SORBS2: variants seen among roughly 807,000 people sequenced by gnomAD.
SORBS2 encodes the protein sorbin and SH3 domain-containing protein 2.
SORBS2 carries 46 observed loss-of-function variants against 97.7 expected under a neutral mutation model. The ratio of observed to expected loss-of-function variants is 0.47; its 90% CI spans 0.37 to 0.60. The LOEUF (loss-of-function observed/expected upper bound fraction) is 0.60. SORBS2 is among the 20% of genes least tolerant of loss of function. The probability of loss-of-function intolerance (pLI) is 0.00; values close to 1 mark genes in which losing one functional copy is unlikely to be tolerated. For synonymous variants in SORBS2, 476 were observed against 473.4 expected, an observed-to-expected ratio of 1.01 and a Z score of -0.07; for missense variants, 1,316 against 1,282.3, an observed-to-expected ratio of 1.03 and a Z score of -0.40.
chr4:185,740,829 T>TAACTCAGCCCAGCACC (rs1359803346), intron 2 of SORBS2, among the ~76,000 whole-genome samples: 3 of 145,028 alleles, frequency 2.1e-5, no homozygotes, highest in Non-Finnish European at 4.6e-5. Flanking sequence ...AACCCAGCAC[T>TAACTCAGCCCAGCACC]AACTCAGCCC....
chr4:185,837,272 C>T (rs943408346), intron 1 of SORBS2, among the ~76,000 whole-genome samples: 4 of 152,024 alleles, frequency 2.6e-5, no homozygotes, highest in East Asian at 1.9e-4. Context: ...AGATGAAAGG[C>T]CAGAACTGCC....
Position 185,762,753 on chromosome 4 carries a change from G to T in SORBS2, c.-198+12474C>A, listed in dbSNP as rs544724461. On this transcript the variant is annotated intron_variant, in intron 2 of 20. Transcript: ENST00000284776. ...GAGAAAATTCAAAATTATTTTTTGT[G>T]TCATTTCTCTCAGTGTGTTTATTAT... Among the ~76,000 whole-genome samples the T allele has an allele frequency of 5.9e-5, 9 of 152,182 alleles. 1 individual carries two copies. The South Asian group carries it at 1.9e-3, about 32-fold the overall frequency.
chr4:185,630,921 C>G (rs1019716326), intron 4 of SORBS2, among the ~76,000 whole-genome samples: 5 of 152,140 alleles, frequency 3.3e-5, no homozygotes, highest in African/African-American at 1.2e-4. Flanking sequence ...TATCCTACAG[C>G]CTGAACTGCA....
At chr4:185,685,021 C>G (rs55654028) in intron 2 of SORBS2, among the ~76,000 whole-genome samples, 175 bp from the exon 5 acceptor site, 2 of 152,042 alleles carry the variant, frequency 1.3e-5, no homozygotes, top group African/African-American at 4.8e-5. Context: ...ACAAACAAAA[C>G]GAAACAAAAC....
chr4:185,606,075 G>A lies in SORBS2; in HGVS notation c.2796+5705C>T. 1.0e-6 allele frequency: 1 copy of A among 984,838 alleles called. No homozygotes were observed. Among genetic ancestry groups the A allele is most frequent in the Non-Finnish European group, 1.2e-6 (1 of 829,484 alleles). 61.0% of individuals were successfully genotyped at this position (984,838 alleles called of 1,614,324 possible). A position where few individuals can be genotyped will look rare whatever the true frequency, so the allele number is the denominator to read the frequency against. The stretch of plus-strand genomic sequence containing the variant: ...GCTGTTTTTCTTTTCTGTTGTCTTT[G>A]TTTATTATTAGCATTATTATTTTTG... On this transcript the variant is annotated intron_variant, in intron 12 of 14. Transcript: ENST00000418609. This position sits in a 1 kb window ranked among gnomAD's most constrained non-coding sequence, Gnocchi z 4.3.
At chr4:185,696,241 G>A (rs1417827350) in intron 2 of SORBS2, among the ~76,000 whole-genome samples, 4 of 152,158 alleles carry the variant, frequency 2.6e-5, no homozygotes, top group Non-Finnish European at 5.9e-5. Context: ...AGCACTATAT[G>A]TCTTCCAAGG....
chr4:185,826,366 C>A (rs572599937), intron 1 of SORBS2, among the ~76,000 whole-genome samples: 2 of 152,292 alleles, frequency 1.3e-5, no homozygotes, highest in African/African-American at 4.8e-5. Flanking sequence ...CTACCCTGGT[C>A]TACGATCACC....
chr4:185,664,075 C>T (rs918099175), intron 4 of SORBS2, among the ~76,000 whole-genome samples: 1 of 151,670 alleles, frequency 6.6e-6, no homozygotes, highest in African/African-American at 2.4e-5. Context: ...AGGATGGTCT[C>T]GATCTCCTGA....
intron 1 of SORBS2, among the ~76,000 whole-genome samples, chr4:185,930,587 T>C (rs1407124521): frequency 2.0e-5 from 3 of 152,160 alleles, no homozygotes. Flanking sequence ...TGTGAGCCAC[T>C]GCTCCCGGCC....
chr4:185,611,621 A>G (rs1390499819), intron 12 of SORBS2, among the ~76,000 whole-genome samples, 159 bp downstream of exon 24: 1 of 152,210 alleles, frequency 6.6e-6, no homozygotes. Context: ...ACACTGACTT[A>G]TATTTACTGA....
At chr4:185,743,240 G>C (rs2098738384) in intron 2 of SORBS2, among the ~76,000 whole-genome samples, 2 of 152,116 alleles carry the variant, frequency 1.3e-5, no homozygotes, top group Non-Finnish European at 2.9e-5. Context: ...TGCTGCTTAG[G>C]GGAAATTTGC....
chr4:185,948,708 G>T (rs1354467426), intron 1 of SORBS2, among the ~76,000 whole-genome samples: 1 of 151,624 alleles, frequency 6.6e-6, no homozygotes, highest in African/African-American at 2.4e-5. Context: ...AGTAGAGACA[G>T]GGTTTCATCA....
At chr4:185,719,671 T>C (rs1386089480) in intron 2 of SORBS2, among the ~76,000 whole-genome samples, 1 of 152,222 alleles carries the variant, frequency 6.6e-6, no homozygotes, top group African/African-American at 2.4e-5. Flanking sequence ...CTTGACAAGG[T>C]GAGAAATCTT....
intron 1 of SORBS2, among the ~76,000 whole-genome samples, chr4:185,879,917 G>T (rs527309083): frequency 6.6e-6 from 1 of 152,200 alleles, no homozygotes; most frequent in Non-Finnish European, 1.5e-5. Context: ...GACCTTCTAC[G>T]AGAGCCACGG....
At position 185,817,026 on chromosome 4, in the gene SORBS2, G is replaced by A. The variant is rs1215541891; in HGVS notation, c.-337-41660C>T. On this transcript the variant is annotated intron_variant, in intron 1 of 20. Coordinates refer to the SORBS2 transcript ENST00000284776. ...AGGAAGAAGTTTCAGCTAGTCCTAAGTCTGGAGAGCCCGGTCTTTACTGGC... is the reference window on the plus strand; with the variant it reads ...AGGAAGAAGTTTCAGCTAGTCCTAAATCTGGAGAGCCCGGTCTTTACTGGC... Among the ~76,000 whole-genome samples the A allele has an allele frequency of 2.0e-5, 3 of 152,124 alleles. No homozygotes were observed. The East Asian group carries it at 5.8e-4, about 29-fold the overall frequency.
intron 1 of SORBS2, among the ~76,000 whole-genome samples, chr4:185,806,259 G>A (rs1585129419): frequency 6.6e-6 from 1 of 152,172 alleles, no homozygotes; most frequent in East Asian, 1.9e-4. Flanking sequence ...AGGGACTTCT[G>A]TTTAGAGGAG....
chr4:185,668,878 T>C (rs941446176), intron 4 of SORBS2, among the ~76,000 whole-genome samples: 1 of 152,212 alleles, frequency 6.6e-6, no homozygotes, highest in African/African-American at 2.4e-5. Flanking sequence ...AATTGTTTTT[T>C]CTTTCCCCAA....
chr4:185,702,262 A>C (rs542533407), intron 2 of SORBS2, among the ~76,000 whole-genome samples: 1 of 152,262 alleles, frequency 6.6e-6, no homozygotes, highest in South Asian at 2.1e-4. Context: ...GAGAGGCCTC[A>C]TGATGCTTCC....
At chr4:185,590,985 A>T (rs552093162) in intron 13 of SORBS2, among the ~76,000 whole-genome samples, 2 of 152,330 alleles carry the variant, frequency 1.3e-5, no homozygotes, top group African/African-American at 4.8e-5. Context: ...ATGCCAACTT[A>T]AAAAAGTTGA....
Sources: gnomAD v4.1 joint callset for allele counts (sites outside exome capture counted in the v4.1 genomes callset) on GRCh38, gnomAD v4.1.1 for gene constraint, Gnocchi (gnomAD v3.1) non-coding constraint, MANE v1.5 for transcripts, NCBI Gene and HGNC (gene_info 2026-07-23, HGNC 2026-07-21) for gene names.